The following CRYBG1 variants were observed in gnomAD, a reference collection of about 807,000 sequenced individuals.
CRYBG1 encodes the protein crystallin beta-gamma domain containing 1.
In CRYBG1, 139 loss-of-function variants were observed where a neutral mutation model predicts 189.2. The observed-to-expected ratio is 0.73, with a 90% confidence interval of 0.64 to 0.85. The LOEUF (loss-of-function observed/expected upper bound fraction) is 0.85, where lower values mean the gene tolerates loss of function less well. CRYBG1 is among the 40% of genes least tolerant of loss of function. The pLI is 0.00. For synonymous variants in CRYBG1, 1,023 were observed against 1,017.1 expected (o/e 1.01, Z -0.11); for missense variants, 2,611 against 2,675.8 (o/e 0.98, Z 0.53).
chr6:106,512,146 A>G lies in CRYBG1; in HGVS notation c.1029A>G (p.Pro343=), dbSNP rs1231780370. 2 of 1,534,394 alleles carry G rather than the reference A, an allele frequency of 1.3e-6. No individual in the cohort carries two copies. The highest frequency in any genetic ancestry group is 1.2e-5 in the South Asian group (1 of 83,930). The change falls in exon 3 of 22, where the codon CCA becomes CCG. Residue 343 remains proline, a synonymous_variant. Coordinates refer to ENST00000633556, the MANE Select transcript of CRYBG1 (RefSeq NM_001371242.2). ...CCCCCAAGGGCGCGTCTGATTTGCCAGGTGAGCCTCCGGCCGAGGGCGCAG... is the reference window on the plus strand; with the variant it reads ...CCCCCAAGGGCGCGTCTGATTTGCCGGGTGAGCCTCCGGCCGAGGGCGCAG... ...SQPPKGASDL[P]GEPPAEGAAH... is the part of the protein sequence containing the mutation.
intron 2 of CRYBG1, among the ~76,000 whole-genome samples, chr6:106,492,525 G>A (rs1037298769): frequency 6.6e-6 from 1 of 151,968 alleles, no homozygotes; most frequent in African/African-American, 2.4e-5. Flanking sequence ...AGAGAGGAAG[G>A]AAAGAAGGAA....
At position 106,487,086 on chromosome 6, in the gene CRYBG1, T is replaced by G. The variant is rs576793394; in HGVS notation, c.313-24344T>G. On this transcript the variant is annotated intron_variant, in intron 2 of 21. Transcript: ENST00000633556. ...TTGTTGTTTGTGTATCTATTGAAATTTGTGTGTGTGTGATTACCGTGGGGT... is the reference window on the plus strand; with the variant it reads ...TTGTTGTTTGTGTATCTATTGAAATGTGTGTGTGTGTGATTACCGTGGGGT... Among the ~76,000 whole-genome samples the G allele has an allele frequency of 5.3e-5, 8 of 152,212 alleles. No individual in the cohort carries two copies. In the South Asian group the frequency reaches 1.0e-3, roughly 20 times the overall value.
intron 1 of CRYBG1, among the ~76,000 whole-genome samples, chr6:106,431,320 C>G (rs1452205445): frequency 1.3e-5 from 2 of 152,190 alleles, no homozygotes; most frequent in Admixed American, 1.3e-4. Context: ...TAGCTGGACA[C>G]TTTAATCTTT....
intron 3 of CRYBG1, 149 bp from the exon 4 acceptor site, chr6:106,518,982 C>CACACAA: frequency 1.3e-6 from 1 of 764,464 alleles, no homozygotes; most frequent in Non-Finnish European, 2.0e-6. Flanking sequence ...TGCGCACACA[C>CACACAA]ACACACACAT....
intron 2 of CRYBG1, among the ~76,000 whole-genome samples, chr6:106,496,831 A>T (rs978911650): frequency 1.3e-5 from 2 of 152,210 alleles, no homozygotes; most frequent in Admixed American, 1.3e-4. Context: ...TAGTGAGACG[A>T]CATTTTAATT....
Position 106,511,733 on chromosome 6 carries a change from C to T in CRYBG1, c.616C>T (p.Pro206Ser), listed in dbSNP as rs1562095143. The change falls in exon 3 of 22, where the codon CCC becomes TCC. Residue 206 changes from proline (P) to serine (S), a missense_variant. Transcript: ENST00000633556. ...ELPESGGPAA[P>S]PDAELSPRWS... ...CCCCGAGAGCGGTGGCCCCGCAGCC[C>T]CCCCTGACGCCGAGCTGTCACCTCG... is the stretch of plus-strand genomic sequence containing the variant. 2 of 1,535,054 alleles carry T rather than the reference C, an allele frequency of 1.3e-6. No individual in the cohort carries two copies. The highest frequency in any genetic ancestry group is 1.7e-6 in the Non-Finnish European group (2 of 1,146,514).
chr6:106,487,023 G>C (rs889828425), intron 2 of CRYBG1, among the ~76,000 whole-genome samples: 1 of 151,878 alleles, frequency 6.6e-6, no homozygotes, highest in Non-Finnish European at 1.5e-5. Context: ...CTGTGACTTG[G>C]TGGTTTTCTG....
chr6:106,415,320 T>C (rs1771001309), intron 1 of CRYBG1, among the ~76,000 whole-genome samples: 1 of 152,234 alleles, frequency 6.6e-6, no homozygotes, highest in South Asian at 2.1e-4. Context: ...CTTTAATAAG[T>C]CTGTTTATAT....
At chr6:106,432,847 T>TG (rs959035850) in intron 1 of CRYBG1, among the ~76,000 whole-genome samples, 2 of 148,472 alleles carry the variant, frequency 1.3e-5, no homozygotes, top group Non-Finnish European at 3.0e-5. Context: ...TTTCTTTTTT[T>TG]TTTTTTTTTT....
At chr6:106,480,599 G>A (rs1772427349) in intron 2 of CRYBG1, among the ~76,000 whole-genome samples, 1 of 152,014 alleles carries the variant, frequency 6.6e-6, no homozygotes, top group South Asian at 2.1e-4. Context: ...CCCGGGAGGC[G>A]GAGGTTGCAG....
chr6:106,501,696 G>C (rs1420663627), intron 2 of CRYBG1, among the ~76,000 whole-genome samples: 1 of 152,172 alleles, frequency 6.6e-6, no homozygotes, highest in African/African-American at 2.4e-5. Flanking sequence ...TAAGTGATTT[G>C]ATCCCATTTA....
At chr6:106,560,978 G>T in intron 19 of CRYBG1, 52 bp downstream of exon 19, 2 of 1,500,872 alleles carry the variant, frequency 1.3e-6, no homozygotes, top group South Asian at 1.3e-5. Flanking sequence ...AAATTTTTTT[G>T]TAAATGCAAT....
intron 1 of CRYBG1, among the ~76,000 whole-genome samples, chr6:106,414,922 C>T (rs1162323741): frequency 6.6e-6 from 1 of 152,110 alleles, no homozygotes; most frequent in Non-Finnish European, 1.5e-5. Flanking sequence ...GGACACAAAC[C>T]CTGCTAAAGA....
intron 1 of CRYBG1, among the ~76,000 whole-genome samples, chr6:106,419,097 T>C (rs1582751797): frequency 6.6e-6 from 1 of 152,310 alleles, no homozygotes; most frequent in African/African-American, 2.4e-5. Context: ...AAAGGGAAGA[T>C]GGAGCCGCCA....
At chr6:106,508,384 G>A (rs950530840) in intron 2 of CRYBG1, among the ~76,000 whole-genome samples, 8 of 152,060 alleles carry the variant, frequency 5.3e-5, no homozygotes, top group African/African-American at 1.4e-4. Flanking sequence ...GATGAGTTTT[G>A]AAAGATAAGT....
rs1272555914 is a variant in CRYBG1, at chr6:106,481,026, T to C, written c.312+29194T>C. 1.9e-4 allele frequency among the ~76,000 whole-genome samples: 12 copies of C among 64,376 alleles called. 1 individual carries two copies. The highest frequency in any genetic ancestry group is 3.0e-4 in the Non-Finnish European group (12 of 39,672). 42.2% of individuals were successfully genotyped at this position (64,376 alleles called of 152,430 possible). ...TCTCGCTCTGTCGCCCAGGCTGGAG[T>C]GCAGTGGCGGGATCTCGGCTCACTG... On this transcript the variant is annotated intron_variant, in intron 2 of 21. Transcript: ENST00000633556.
rs149164133 is a variant in CRYBG1, at chr6:106,421,736, G to A, written c.174-29958G>A. 1.6e-3 allele frequency among the ~76,000 whole-genome samples: 240 copies of A among 152,178 alleles called. 4 individuals carry two copies. Among genetic ancestry groups the A allele is most frequent in the African/African-American group, 5.3e-3 (220 of 41,516 alleles). On this transcript the variant is annotated intron_variant, in intron 1 of 21. Transcript: ENST00000633556. Reference sequence around the variant, plus strand: ...CACAGCTGTATTAGTCCATTTTTGCGCTGCTGATAAAGACATAACCTGAGA... The same window carrying A: ...CACAGCTGTATTAGTCCATTTTTGCACTGCTGATAAAGACATAACCTGAGA...
chr6:106,555,151 C>A (rs938968662), intron 16 of CRYBG1, among the ~76,000 whole-genome samples: 1 of 146,262 alleles, frequency 6.8e-6, no homozygotes. Context: ...TGTGACAGAG[C>A]GAGATTCTGT....
chr6:106,541,383 C>T, intron 9 of CRYBG1: 2 of 675,492 alleles, frequency 3.0e-6, no homozygotes, highest in Non-Finnish European at 2.8e-6. Flanking sequence ...TTATAGACTG[C>T]TTGTGCGAGG....
Sources: allele counts gnomAD v4.1 joint callset (sites outside exome capture counted in the v4.1 genomes callset), GRCh38; gene constraint gnomAD v4.1.1; transcripts MANE v1.5; gene names NCBI Gene and HGNC (gene_info 2026-07-23, HGNC 2026-07-21).